The following AK5 variants were observed in gnomAD, a reference collection of about 807,000 sequenced individuals.
AK5 encodes adenylate kinase 5, also known as adenylate kinase isoenzyme 5.
AK5 carries 27 observed loss-of-function variants against 69.5 expected under a neutral mutation model. That is an observed-to-expected ratio of 0.39 (90% confidence interval 0.29 to 0.54). The LOEUF (loss-of-function observed/expected upper bound fraction) is 0.54, where lower values mean the gene tolerates loss of function less well. AK5 is among the 20% of genes least tolerant of loss of function. The probability of loss-of-function intolerance (pLI) is 0.71; values close to 1 mark genes in which losing one functional copy is unlikely to be tolerated. For synonymous variants in AK5, 260 were observed against 244.4 expected, an observed-to-expected ratio of 1.06 and a Z score of -0.60; for missense variants, 531 against 700.4, an observed-to-expected ratio of 0.76 and a Z score of 2.73.
At chr1:77,293,371 G>A (rs1294336490) in intron 2 of AK5, among the ~76,000 whole-genome samples, 3 of 152,124 alleles carry the variant, frequency 2.0e-5, no homozygotes, top group African/African-American at 7.2e-5. Flanking sequence ...TAACTCCAGA[G>A]AGCACCATTT....
At position 77,286,929 on chromosome 1, in the gene AK5, G is replaced by A; in HGVS notation, c.61-12G>A. The A allele has an allele frequency of 7.2e-7, 1 of 1,381,730 alleles. No individual in the cohort carries two copies. The allele number at this position is 1,381,730 out of a possible 1,614,324, so 85.6% of individuals were successfully genotyped here. A position where few individuals can be genotyped will look rare whatever the true frequency, so the allele number is the denominator to read the frequency against. The stretch of plus-strand genomic sequence containing the variant: ...AAGATATTTTATTTGTACATATTTT[G>A]TTATATTTCAGAGCCTTTTGAATGG... On this transcript the variant is annotated splice_polypyrimidine_tract_variant and intron_variant, in intron 1 of 13. Coordinates refer to ENST00000354567, the MANE Select transcript of AK5 (RefSeq NM_174858.3).
intron 13 of AK5, chr1:77,540,494 C>G (rs144399973): frequency 3.9e-5 from 6 of 152,332 alleles, no homozygotes; most frequent in Admixed American, 3.9e-4. Context: ...GACCATCACC[C>G]CCAACTGACT....
chr1:77,470,855 ATATATATATATATATATATAT>A (rs1454826719), intron 8 of AK5, among the ~76,000 whole-genome samples: 626 of 2,872 alleles, frequency 0.22, 56 homozygotes, highest in Middle Eastern at 0.3. Flanking sequence ...ATATATATAT[ATATATATATATATATATATAT>A]TTTTTTTTTT....
chr1:77,429,391 A>G (rs1570106518), intron 8 of AK5, among the ~76,000 whole-genome samples: 1 of 152,114 alleles, frequency 6.6e-6, no homozygotes, highest in Non-Finnish European at 1.5e-5. Flanking sequence ...TTGGCTGCAT[A>G]AATGTCTTCT....
intron 10 of AK5, among the ~76,000 whole-genome samples, chr1:77,494,016 T>C (rs1401105826): frequency 1.3e-5 from 2 of 152,098 alleles, no homozygotes; most frequent in Non-Finnish European, 2.9e-5. Context: ...ACCGTGAAAT[T>C]CAAAAAGACA....
At chr1:77,313,544 T>C (rs1352143670) in intron 5 of AK5, among the ~76,000 whole-genome samples, 1 of 152,046 alleles carries the variant, frequency 6.6e-6, no homozygotes, top group Non-Finnish European at 1.5e-5. Flanking sequence ...TTAGGCAAGG[T>C]AGGTGCTCCC....
chr1:77,499,132 G>A (rs897391394), intron 10 of AK5, among the ~76,000 whole-genome samples: 17 of 152,314 alleles, frequency 1.1e-4, no homozygotes, highest in African/African-American at 4.1e-4. Flanking sequence ...TGATTAAGGA[G>A]TCAGTGACTA....
intron 6 of AK5, among the ~76,000 whole-genome samples, chr1:77,377,367 C>G (rs1647318910): frequency 6.6e-6 from 1 of 152,176 alleles, no homozygotes; most frequent in Non-Finnish European, 1.5e-5. Flanking sequence ...TCAAAAACCT[C>G]AGTCATGCTA....
chr1:77,283,156 A>G, intron 1 of AK5: 1 of 985,674 alleles, frequency 1.0e-6, no homozygotes, highest in Non-Finnish European at 1.2e-6. Context: ...GGAGACTGAG[A>G]GAGAGGAGGC....
rs532548108 is a variant in AK5 at position 77,301,925 on chromosome 1, A to G, written c.699+3978A>G. Among the ~76,000 whole-genome samples, 19 of 150,776 alleles carry G rather than the reference A, an allele frequency of 1.3e-4. No homozygotes were observed. In the South Asian group the frequency reaches 2.1e-3, roughly 17 times the overall value. Reference sequence around the variant, plus strand: ...TATCTGCATGACACATTGAAGTAGTATATTGGAGACTAATATGCTATCCTC... The same window carrying G: ...TATCTGCATGACACATTGAAGTAGTGTATTGGAGACTAATATGCTATCCTC... On this transcript the variant is annotated intron_variant, in intron 5 of 13. Transcript: ENST00000354567.
chr1:77,558,831 G>GA lies in AK5; in HGVS notation c.*162dup. 1.6e-6 allele frequency: 1 copy of GA among 610,402 alleles called. No homozygotes were observed. The allele number at this position is 610,402 out of a possible 1,614,324, so 37.8% of individuals were successfully genotyped here. A position where few individuals can be genotyped will look rare whatever the true frequency, so the allele number is the denominator to read the frequency against. ...TTGCTTCCCAGCTAGACCTGTGTGA[G>GA]AGGTGTCTGGAAATCATGCATGGTG... is the stretch of plus-strand genomic sequence containing the variant. On this transcript the variant is annotated 3_prime_UTR_variant, in exon 14 of 14. Coordinates refer to ENST00000354567, the MANE Select transcript of AK5 (RefSeq NM_174858.3).
At chr1:77,413,127 T>G (rs531759551) in intron 7 of AK5, among the ~76,000 whole-genome samples, 9 of 152,228 alleles carry the variant, frequency 5.9e-5, no homozygotes, top group African/African-American at 1.9e-4. Flanking sequence ...CCAAATCCTT[T>G]GCTTTCCTGC....
At chr1:77,312,034 C>T (rs186823087) in intron 5 of AK5, among the ~76,000 whole-genome samples, 3 of 152,204 alleles carry the variant, frequency 2.0e-5, no homozygotes, top group East Asian at 1.9e-4. Flanking sequence ...AATAATAATT[C>T]GTTATTTTCG....
intron 12 of AK5, among the ~76,000 whole-genome samples, chr1:77,535,303 C>T (rs180931183): frequency 5.9e-5 from 9 of 152,266 alleles, no homozygotes; most frequent in South Asian, 4.2e-4. Flanking sequence ...AGTGAGATAA[C>T]GAATTGATGA....
In AK5 at chr1:77,559,710, T is replaced by C. The variant is rs1486701828; in HGVS notation, c.*1040T>C. On this transcript the variant is annotated 3_prime_UTR_variant, in exon 14 of 14. Transcript: ENST00000354567. ...ATATGCAAAACTGTGTTTCCTTGCATTAAACCAGTGAAGTTTGGGTTCTCT... is the reference window on the plus strand; with the variant it reads ...ATATGCAAAACTGTGTTTCCTTGCACTAAACCAGTGAAGTTTGGGTTCTCT... 4 of 152,198 alleles carry C rather than the reference T, an allele frequency of 2.6e-5. No homozygotes were observed. Among genetic ancestry groups the C allele is most frequent in the Non-Finnish European group, 5.9e-5 (4 of 68,036 alleles). 9.4% of individuals were successfully genotyped at this position (152,198 alleles called of 1,614,324 possible).
At chr1:77,342,022 C>T (rs1254680116) in intron 6 of AK5, among the ~76,000 whole-genome samples, 3 of 152,078 alleles carry the variant, frequency 2.0e-5, no homozygotes, top group African/African-American at 7.2e-5. Context: ...CCTCAGCCTC[C>T]CAAGTAGCTG....
At chr1:77,323,833 G>C (rs1660654336) in intron 5 of AK5, among the ~76,000 whole-genome samples, 1 of 152,194 alleles carries the variant, frequency 6.6e-6, no homozygotes, top group South Asian at 2.1e-4. Flanking sequence ...AGAAATAGAG[G>C]AGAGAAATAT....
intron 8 of AK5, among the ~76,000 whole-genome samples, chr1:77,482,733 T>A (rs1655330775): frequency 6.7e-6 from 1 of 149,640 alleles, no homozygotes; most frequent in South Asian, 2.1e-4. Flanking sequence ...ACTGCACCAC[T>A]GCGCTCCAGC....
At chr1:77,304,687 A>AAGCC (rs1659540692) in intron 5 of AK5, among the ~76,000 whole-genome samples, 1 of 152,174 alleles carries the variant, frequency 6.6e-6, no homozygotes, top group Non-Finnish European at 1.5e-5. Flanking sequence ...TTACAGGCAT[A>AAGCC]AGCCACCATG....
Sources: allele counts gnomAD v4.1 joint callset (sites outside exome capture counted in the v4.1 genomes callset), GRCh38; gene constraint gnomAD v4.1.1; transcripts MANE v1.5; gene names NCBI Gene and HGNC (gene_info 2026-07-23, HGNC 2026-07-21).